FLRT1: variants seen among roughly 807,000 people sequenced by gnomAD.
The protein encoded by FLRT1 is leucine-rich repeat transmembrane protein FLRT1.
FLRT1 carries 14 observed loss-of-function variants against 30.9 expected under a neutral mutation model. The observed-to-expected ratio is 0.45, with a 90% CI of 0.30 to 0.71. FLRT1 has a LOEUF of 0.71. Among genes scored for constraint, FLRT1 ranks in the 30% least tolerant of loss-of-function variants. FLRT1 has a pLI of 0.08. For synonymous variants in FLRT1, 368 were observed against 430.4 expected (o/e 0.85, Z 1.80); for missense variants, 737 against 949.2 (o/e 0.78, Z 2.94).
intron 1 of FLRT1, among the ~76,000 whole-genome samples, chr11:64,099,521 AATGG>A (rs1339140902): frequency 4.6e-5 from 7 of 151,782 alleles, no homozygotes; most frequent in Non-Finnish European, 8.8e-5. Context: ...TAGATGGAGA[AATGG>A]ATGGATGGAT....
chr11:64,106,913 A>C (rs1230090530), intron 2 of FLRT1, among the ~76,000 whole-genome samples: 1 of 150,258 alleles, frequency 6.7e-6, no homozygotes, highest in Non-Finnish European at 1.5e-5. Flanking sequence ...ATAGGGTCTT[A>C]CTCTGTCACT....
intron 1 of FLRT1, among the ~76,000 whole-genome samples, chr11:64,048,404 G>A (rs1943626520): frequency 6.6e-6 from 1 of 152,212 alleles, no homozygotes; most frequent in Admixed American, 6.5e-5. Context: ...CTCCCGGGGA[G>A]GGTCTGCCCT....
chr11:64,094,590 C>CGTT (rs1049156515), intron 1 of FLRT1, among the ~76,000 whole-genome samples: 3 of 152,178 alleles, frequency 2.0e-5, no homozygotes, highest in African/African-American at 7.2e-5. Flanking sequence ...CCTGCCTAAC[C>CGTT]GCAGGCTGAC....
intron 1 of FLRT1, among the ~76,000 whole-genome samples, chr11:64,042,539 T>C (rs1943507652): frequency 1.3e-5 from 2 of 152,226 alleles, no homozygotes; most frequent in South Asian, 4.1e-4. Flanking sequence ...AGCAGTCAGG[T>C]AGGCTCTGGG....
At chr11:64,085,521 A>C (rs1409113761) in intron 1 of FLRT1, among the ~76,000 whole-genome samples, 2 of 152,164 alleles carry the variant, frequency 1.3e-5, no homozygotes, top group Non-Finnish European at 2.9e-5. Flanking sequence ...CCCAAATTAA[A>C]TTTTAACCCA....
intron 2 of FLRT1, among the ~76,000 whole-genome samples, chr11:64,106,758 T>C (rs564001351): frequency 6.6e-6 from 1 of 152,372 alleles, no homozygotes; most frequent in East Asian, 1.9e-4. Flanking sequence ...GCCTCAGTCC[T>C]GTTCTGGAGG....
At chr11:64,076,463 C>T (rs1049001019) in intron 1 of FLRT1, among the ~76,000 whole-genome samples, 16 of 146,704 alleles carry the variant, frequency 1.1e-4, no homozygotes, top group South Asian at 2.1e-4. Context: ...GATGGATGGA[C>T]GGACGGACGA....
At chr11:64,113,497 GTTGGATGGATGGATAA>G (rs112667163) in intron 2 of FLRT1, among the ~76,000 whole-genome samples, 13 of 151,618 alleles carry the variant, frequency 8.6e-5, no homozygotes, top group African/African-American at 2.9e-4. Flanking sequence ...TGGATGGATG[GTTGGATGGATGGATAA>G]TTGGATGGAT....
intron 2 of FLRT1, among the ~76,000 whole-genome samples, chr11:64,112,843 T>C (rs1944887039): frequency 6.6e-6 from 1 of 152,156 alleles, no homozygotes; most frequent in South Asian, 2.1e-4. Flanking sequence ...TTGATGACTG[T>C]GGTGGCTGCC....
At chr11:64,065,634 CA>C (rs779478622) in intron 1 of FLRT1, among the ~76,000 whole-genome samples, 1 of 151,024 alleles carries the variant, frequency 6.6e-6, no homozygotes, top group African/African-American at 2.4e-5. Flanking sequence ...CTAAAAAATA[CA>C]AAAAATTAGC....
At chr11:64,068,517 G>A (rs758210808) in intron 1 of FLRT1, among the ~76,000 whole-genome samples, 2 of 152,248 alleles carry the variant, frequency 1.3e-5, no homozygotes, top group African/African-American at 2.4e-5. Flanking sequence ...GGATAACGAT[G>A]GTTGTCTCCC....
intron 2 of FLRT1, among the ~76,000 whole-genome samples, chr11:64,110,531 T>C (rs545641990): frequency 5.6e-4 from 84 of 150,212 alleles, no homozygotes; most frequent in African/African-American, 2.0e-3. Flanking sequence ...GTCCTGGAGG[T>C]TGGCAGGGGA....
chr11:64,087,756 C>A (rs754297963), intron 1 of FLRT1, among the ~76,000 whole-genome samples: 1 of 152,258 alleles, frequency 6.6e-6, no homozygotes, highest in Admixed American at 6.5e-5. Flanking sequence ...GTACACAGAG[C>A]ACGCTGTGCA....
intron 2 of FLRT1, among the ~76,000 whole-genome samples, chr11:64,112,172 C>A (rs1280756635): frequency 1.3e-5 from 2 of 152,172 alleles, no homozygotes; most frequent in East Asian, 3.8e-4. Context: ...ATAAGATGCA[C>A]AAATCCCTGC....
chr11:64,072,857 C>A (rs1054632773), intron 1 of FLRT1, among the ~76,000 whole-genome samples: 1 of 152,198 alleles, frequency 6.6e-6, no homozygotes, highest in Non-Finnish European at 1.5e-5. Context: ...CTGTGAACCC[C>A]GAATCCCACA....
chr11:64,042,327 C>G (rs1943503292), intron 1 of FLRT1, among the ~76,000 whole-genome samples: 1 of 152,194 alleles, frequency 6.6e-6, no homozygotes, highest in African/African-American at 2.4e-5. Context: ...GAGTGGCTGC[C>G]CCACCCTTCC....
intron 1 of FLRT1, among the ~76,000 whole-genome samples, chr11:64,085,915 C>T (rs1944385652): frequency 1.3e-5 from 2 of 152,282 alleles, no homozygotes; most frequent in East Asian, 1.9e-4. Context: ...CCACCCCACC[C>T]CCACAGAAGG....
Position 64,036,840 on chromosome 11 carries a change from G to T in FLRT1, c.-1038+681G>T, listed in dbSNP as rs2134376139. 6.6e-6 allele frequency among the ~76,000 whole-genome samples: 1 copy of T among 152,300 alleles called. No individual in the cohort carries two copies. Among genetic ancestry groups the T allele is most frequent in the South Asian group, 2.1e-4 (1 of 4,828 alleles). On this transcript the variant is annotated intron_variant, in intron 1 of 2. Transcript: ENST00000682287. This position sits in a 1 kb window ranked among gnomAD's most constrained non-coding sequence, Gnocchi z 5.6. Reference sequence around the variant, plus strand: ...CCCATCCCCCAGCTCTCAAGACAAGGAGGCGGCCCGACCCGGCGGCGCACG... The same window carrying T: ...CCCATCCCCCAGCTCTCAAGACAAGTAGGCGGCCCGACCCGGCGGCGCACG...
chr11:64,077,675 C>T (rs531911419), intron 1 of FLRT1, among the ~76,000 whole-genome samples: 1 of 152,312 alleles, frequency 6.6e-6, no homozygotes, highest in South Asian at 2.1e-4. Flanking sequence ...CCCCACCTGC[C>T]GTGCCCCCTT....
Sources: gnomAD v4.1 joint callset for allele counts (sites outside exome capture counted in the v4.1 genomes callset) on GRCh38, gnomAD v4.1.1 for gene constraint, Gnocchi (gnomAD v3.1) non-coding constraint, MANE v1.5 for transcripts, NCBI Gene and HGNC (gene_info 2026-07-23, HGNC 2026-07-21) for gene names.